The following MTUS2 variants were observed in gnomAD, a reference collection of about 807,000 sequenced individuals.
The protein encoded by MTUS2 is microtubule associated scaffold protein 2.
In MTUS2, 40 loss-of-function variants were observed where a neutral mutation model predicts 114.1. That is an observed-to-expected ratio of 0.35 (90% CI 0.27 to 0.46). The LOEUF is 0.46. Ranked by LOEUF, MTUS2 falls within the 20% of genes least tolerant of loss-of-function variation. MTUS2 has a pLI of 1.00. For synonymous variants in MTUS2, 688 were observed against 672.0 expected (o/e 1.02, Z -0.37); for missense variants, 1,679 against 1,705.4 (o/e 0.98, Z 0.27).
At chr13:29,382,259 G>C (rs1028772259) in intron 8 of MTUS2, among the ~76,000 whole-genome samples, 3 of 152,156 alleles carry the variant, frequency 2.0e-5, no homozygotes, top group Admixed American at 2.0e-4. Flanking sequence ...TTATCTAAGA[G>C]CAAAAGCGGA....
At chr13:29,430,457 C>A (rs578156521) in intron 8 of MTUS2, among the ~76,000 whole-genome samples, 2 of 152,226 alleles carry the variant, frequency 1.3e-5, no homozygotes, top group East Asian at 1.9e-4. Flanking sequence ...GTTTAAGTAA[C>A]TTTCCAGTGT....
intron 2 of MTUS2, among the ~76,000 whole-genome samples, chr13:29,004,945 T>G (rs1447892982): frequency 6.6e-6 from 1 of 152,146 alleles, no homozygotes; most frequent in Non-Finnish European, 1.5e-5. Context: ...AGTGCAGTTG[T>G]CGAGTGCTTG....
chr13:29,436,379 TA>T (rs1418408931), intron 8 of MTUS2, among the ~76,000 whole-genome samples: 2 of 152,022 alleles, frequency 1.3e-5, no homozygotes, highest in Non-Finnish European at 2.9e-5. Flanking sequence ...TAAAGGGAAA[TA>T]AGACCCGGGA....
chr13:29,414,964 C>T lies in MTUS2; in HGVS notation c.3118-25019C>T, dbSNP rs184566964. Among the ~76,000 whole-genome samples the T allele has an allele frequency of 5.4e-4, 79 of 146,992 alleles. No homozygotes were observed. In the Middle Eastern group the frequency reaches 0.011, roughly 20 times the overall value. ...CTCTGATATATGCTTTAAATGTGTC[C>T]GATATGTTTCGGTTTGGGGGGTTTT... On this transcript the variant is annotated intron_variant, in intron 8 of 15. Transcript: ENST00000612955.
chr13:28,994,275 C>T (rs1160088863), intron 2 of MTUS2, among the ~76,000 whole-genome samples: 3 of 152,160 alleles, frequency 2.0e-5, no homozygotes, highest in African/African-American at 7.2e-5. Flanking sequence ...TGTATATGTG[C>T]CACATTTTCT....
chr13:29,324,159 C>T (rs1303624864), intron 6 of MTUS2, among the ~76,000 whole-genome samples: 1 of 152,202 alleles, frequency 6.6e-6, no homozygotes, highest in Admixed American at 6.5e-5. Context: ...AGAGTCAGAC[C>T]ATGTCCCCCG....
intron 4 of MTUS2, among the ~76,000 whole-genome samples, chr13:29,034,606 G>A (rs9506077): frequency 1.6e-3 from 242 of 152,310 alleles, no homozygotes; most frequent in Admixed American, 3.7e-3. Flanking sequence ...TGAGCAACTG[G>A]AAGAATGGAG....
chr13:29,388,797 G>C (rs1017431056), intron 8 of MTUS2, among the ~76,000 whole-genome samples: 1 of 152,018 alleles, frequency 6.6e-6, no homozygotes, highest in African/African-American at 2.4e-5. Flanking sequence ...ACTTATATTG[G>C]ATTATCGCCT....
At chr13:29,352,885 C>G (rs74422718) in intron 7 of MTUS2, among the ~76,000 whole-genome samples, 1 of 152,120 alleles carries the variant, frequency 6.6e-6, no homozygotes, top group Admixed American at 6.5e-5. Flanking sequence ...CATCTCAGAC[C>G]TTGGAAATTT....
At position 29,504,998 on chromosome 13, in the gene MTUS2, T is replaced by C. The variant is rs1463606141; in HGVS notation, c.*1792T>C. The stretch of plus-strand genomic sequence containing the variant: ...CCACGCTGGGCTTCCGGGCCTCAGG[T>C]GCATCTCCAGCCAACCTCCAAGGGT... On this transcript the variant is annotated 3_prime_UTR_variant, in exon 16 of 16. Coordinates refer to ENST00000612955, the MANE Select transcript of MTUS2 (RefSeq NM_001033602.4). The C allele has an allele frequency of 1.3e-5, 3 of 232,636 alleles. No homozygotes were observed. The East Asian group carries it at 1.8e-4, about 14-fold the overall frequency. The allele number at this position is 232,636 out of a possible 1,614,324, so 14.4% of individuals were successfully genotyped here.
chr13:28,859,739 CAGAGAAACAT>C (rs1183106728), intron 2 of MTUS2, among the ~76,000 whole-genome samples: 5 of 152,178 alleles, frequency 3.3e-5, no homozygotes, highest in African/African-American at 1.2e-4. Flanking sequence ...AGGAGCTGCA[CAGAGAAACAT>C]ACAGGAGAAA....
At chr13:29,074,863 T>C (rs781732981) in intron 4 of MTUS2, among the ~76,000 whole-genome samples, 2 of 152,196 alleles carry the variant, frequency 1.3e-5, no homozygotes, top group African/African-American at 2.4e-5. Flanking sequence ...GAGATATAAT[T>C]CACATATTTC....
intron 4 of MTUS2, among the ~76,000 whole-genome samples, chr13:29,095,124 A>G (rs1036515778): frequency 6.6e-6 from 1 of 152,134 alleles, no homozygotes; most frequent in Admixed American, 6.5e-5. Flanking sequence ...CTTGAGAAAA[A>G]TATGTATTCT....
chr13:29,006,498 G>C (rs1423697617), intron 2 of MTUS2, among the ~76,000 whole-genome samples: 1 of 152,000 alleles, frequency 6.6e-6, no homozygotes, highest in East Asian at 1.9e-4. Flanking sequence ...AGGTCCATTC[G>C]AATGCTGATA....
chr13:29,116,729 A>G (rs914024360), intron 5 of MTUS2, among the ~76,000 whole-genome samples: 1 of 152,138 alleles, frequency 6.6e-6, no homozygotes, highest in African/African-American at 2.4e-5. Context: ...GATCACTGAG[A>G]TGGCTATTAA....
At chr13:29,472,792 C>T (rs1224841908) in intron 9 of MTUS2, among the ~76,000 whole-genome samples, 1 of 152,094 alleles carries the variant, frequency 6.6e-6, no homozygotes, top group East Asian at 1.9e-4. Flanking sequence ...GTTACACGAA[C>T]ATGAGAATAT....
chr13:29,033,852 G>A (rs755293619), intron 3 of MTUS2, 33 bp from the exon 4 acceptor site: 1 of 1,612,272 alleles, frequency 6.2e-7, no homozygotes, highest in Admixed American at 1.7e-5. Context: ...TGATGTGAAG[G>A]TCTCTGATTG....
At chr13:29,009,703 ATTG>A (rs1298360563) in intron 2 of MTUS2, among the ~76,000 whole-genome samples, 3 of 152,094 alleles carry the variant, frequency 2.0e-5, no homozygotes, top group Non-Finnish European at 4.4e-5. Context: ...GAATGAATAT[ATTG>A]TTGTGAATGA....
intron 5 of MTUS2, among the ~76,000 whole-genome samples, chr13:29,218,153 A>AAC (rs1035432468): frequency 2.9e-4 from 44 of 152,182 alleles, no homozygotes; most frequent in African/African-American, 9.9e-4. Context: ...AACAAAACAA[A>AAC]AAAAAAACAC....
Sources: gnomAD v4.1 joint callset for allele counts (sites outside exome capture counted in the v4.1 genomes callset) on GRCh38, gnomAD v4.1.1 for gene constraint, MANE v1.5 for transcripts, NCBI Gene and HGNC (gene_info 2026-07-23, HGNC 2026-07-21) for gene names.